The following SLC35D1 variants were observed in gnomAD, a reference collection of about 807,000 sequenced individuals.
SLC35D1 encodes solute carrier family 35 member D1, also known as nucleotide sugar transporter SLC35D1.
Under a neutral mutation model 46.7 loss-of-function variants are expected in SLC35D1, and 31 were observed. The ratio of observed to expected loss-of-function variants is 0.66; its 90% confidence interval spans 0.50 to 0.90. The LOEUF is 0.90. Ranked by LOEUF, SLC35D1 falls within the 40% of genes least tolerant of loss-of-function variation. The probability of loss-of-function intolerance (pLI) is 0.00; values close to 1 mark genes in which losing one functional copy is unlikely to be tolerated. For synonymous variants in SLC35D1, 195 were observed against 164.6 expected (o/e 1.18, Z -1.41); for missense variants, 397 against 426.2 (o/e 0.93, Z 0.60).
At chr1:67,015,279 G>A (rs963701790) in intron 10 of SLC35D1, among the ~76,000 whole-genome samples, 17 of 148,898 alleles carry the variant, frequency 1.1e-4, no homozygotes, top group South Asian at 4.3e-4. Context: ...ATTTAAAAAC[G>A]TATAAAAATC....
Position 67,009,115 on chromosome 1 carries a change from G to A in SLC35D1, c.929C>T (p.Thr310Met), listed in dbSNP as rs549408335. Residue 310 changes from threonine to methionine, a missense_variant, in exon 11 of 12, where the codon ACG (threonine) becomes ATG (methionine). Thr to Met is a moderately conservative substitution (Grantham distance 81). Transcript: ENST00000235345. ...GMVFGGDYIFTWTNFIGLNIS... is the reference protein window; with the variant it reads ...GMVFGGDYIFMWTNFIGLNIS... ...ATTTAAACCAATGAAGTTTGTCCAC[G>A]TGAAAATATAATCTCCACCAAAGAC... The A allele has an allele frequency of 1.1e-5, 16 of 1,513,682 alleles. No homozygotes were observed. The highest frequency in any genetic ancestry group is 9.6e-5 in the African/African-American group (7 of 73,016). The allele number at this position is 1,513,682 out of a possible 1,614,324, so 93.8% of individuals were successfully genotyped here.
chr1:66,997,539 A>G (rs1667253405), downstream of SLC35D1, among the ~76,000 whole-genome samples: 1 of 61,416 alleles, frequency 1.6e-5, no homozygotes, highest in Admixed American at 1.8e-4. Context: ...TATATATATA[A>G]CCCCTTTAGA....
downstream of SLC35D1, among the ~76,000 whole-genome samples, chr1:66,997,424 G>A (rs1667249629): frequency 6.7e-6 from 1 of 149,096 alleles, no homozygotes; most frequent in African/African-American, 2.5e-5. Context: ...AATTTCTTGA[G>A]CCCAGGAAAT....
At position 67,003,799 on chromosome 1, in the gene SLC35D1, C is replaced by T. The variant is rs1341299268; in HGVS notation, c.*541G>A. On this transcript the variant is annotated 3_prime_UTR_variant, in exon 12 of 12. Coordinates refer to ENST00000235345, the MANE Select transcript of SLC35D1 (RefSeq NM_015139.3). Reference sequence around the variant, plus strand: ...ATAGATAGCAATACACTTCAAAGCCCCACATATTTTTATAGTGCCAAAGTT... The same window carrying T: ...ATAGATAGCAATACACTTCAAAGCCTCACATATTTTTATAGTGCCAAAGTT... 5.9e-6 allele frequency: 1 copy of T among 170,708 alleles called. No individual in the cohort carries two copies. The highest frequency in any genetic ancestry group is 1.3e-5 in the Non-Finnish European group (1 of 78,794). The allele number at this position is 170,708 out of a possible 1,614,324, so 10.6% of individuals were successfully genotyped here. A position where few individuals can be genotyped will look rare whatever the true frequency, so the allele number is the denominator to read the frequency against.
chr1:66,977,622 A>G, the SLC35D1 span, among the ~76,000 whole-genome samples: 1 of 152,176 alleles, frequency 6.6e-6, no homozygotes, highest in Non-Finnish European at 1.5e-5. Context: ...TTTATTGTCT[A>G]CACCTCATTC....
the SLC35D1 span, chr1:66,986,334 T>C: frequency 9.0e-6 from 14 of 1,561,354 alleles, no homozygotes; most frequent in Admixed American, 2.1e-4. Context: ...TGTAGTTTTA[T>C]ATAGCTGATA....
At chr1:66,982,003 A>G in the SLC35D1 span, 16 of 1,435,972 alleles carry the variant, frequency 1.1e-5, no homozygotes, top group African/African-American at 7.1e-5. Flanking sequence ...TTGGGTTTCT[A>G]TTAAACTTCC....
downstream of SLC35D1, among the ~76,000 whole-genome samples, chr1:66,997,519 A>ATATATATAT (rs1553262616): frequency 0.082 from 6,030 of 73,646 alleles, 399 homozygotes; most frequent in Middle Eastern, 0.16. Flanking sequence ...AAAAAAAAAA[A>ATATATATAT]ATATATATAT....
At chr1:66,974,410 A>G in the SLC35D1 span, among the ~76,000 whole-genome samples, 53 of 151,992 alleles carry the variant, frequency 3.5e-4, no homozygotes, top group African/African-American at 1.2e-3. Flanking sequence ...GAAAGGGACA[A>G]CATTTTTGGA....
At chr1:67,041,489 C>A (rs992295876) in intron 8 of SLC35D1, among the ~76,000 whole-genome samples, 1 of 152,174 alleles carries the variant, frequency 6.6e-6, no homozygotes, top group African/African-American at 2.4e-5. Flanking sequence ...GACCAACATA[C>A]TTATTCTGAA....
intron 10 of SLC35D1, among the ~76,000 whole-genome samples, chr1:67,018,407 G>A (rs1012989383): frequency 6.6e-6 from 1 of 152,130 alleles, no homozygotes; most frequent in Non-Finnish European, 1.5e-5. Flanking sequence ...TCAGAAGTTG[G>A]AAAACCTGTA....
chr1:67,052,955 C>T lies in SLC35D1; in HGVS notation c.237+1G>A. 6.2e-7 allele frequency: 1 copy of T among 1,614,110 alleles called. No individual in the cohort carries two copies. Among genetic ancestry groups the T allele is most frequent in the Non-Finnish European group, 8.5e-7 (1 of 1,180,040 alleles). On this transcript the variant is annotated splice_donor_variant, in intron 2 of 11. Coordinates refer to ENST00000235345, the MANE Select transcript of SLC35D1 (RefSeq NM_015139.3). LOFTEE classifies it high-confidence loss of function. ...ACGTAATGGTGAGGATTCCAACTAACCTGGCCAAGTCCAACACATAGTGAG... is the reference window on the plus strand; with the variant it reads ...ACGTAATGGTGAGGATTCCAACTAATCTGGCCAAGTCCAACACATAGTGAG...
At position 67,049,859 on chromosome 1, in the gene SLC35D1, C is replaced by A. The variant is rs1168729605; in HGVS notation, c.465-9G>T. Reference sequence around the variant, plus strand: ...CCCAAGAAAAAGTCTTCCTACAAAACAAAAAATTTTAAAATACACACATGA... The same window carrying A: ...CCCAAGAAAAAGTCTTCCTACAAAAAAAAAAATTTTAAAATACACACATGA... On this transcript the variant is annotated splice_polypyrimidine_tract_variant and intron_variant, in intron 5 of 11. Coordinates refer to ENST00000235345, the MANE Select transcript of SLC35D1 (RefSeq NM_015139.3). 12 of 1,606,766 alleles carry A rather than the reference C, an allele frequency of 7.5e-6. No homozygotes were observed. In the South Asian group the frequency reaches 1.2e-4, roughly 16 times the overall value.
At chr1:66,997,822 G>A (rs1007439009), downstream of SLC35D1, among the ~76,000 whole-genome samples, 2 of 146,992 alleles carry the variant, frequency 1.4e-5, no homozygotes, top group African/African-American at 5.0e-5. Flanking sequence ...ATATGTTACT[G>A]TTAAAAAAAT....
At position 67,050,429 on chromosome 1, in the gene SLC35D1, T is replaced by C; in HGVS notation, c.464+4A>G. The C allele has an allele frequency of 4.4e-6, 7 of 1,607,530 alleles. No homozygotes were observed. Among genetic ancestry groups the C allele is most frequent in the Non-Finnish European group, 6.0e-6 (7 of 1,174,424 alleles). On this transcript the variant is annotated splice_donor_region_variant and intron_variant, in intron 5 of 11. Coordinates refer to ENST00000235345, the MANE Select transcript of SLC35D1 (RefSeq NM_015139.3). ...AGAACAGATATATTAGAAACTTAGC[T>C]CACTTGAGTAAAACTCCTTCAGCAA... is the stretch of plus-strand genomic sequence containing the variant.
At chr1:67,004,502 AAC>A in intron 11 of SLC35D1, 54 bp from the exon 12 acceptor site, 1 of 1,485,518 alleles carries the variant, frequency 6.7e-7, no homozygotes, top group Non-Finnish European at 9.4e-7. Flanking sequence ...TTTTAGTGTA[AAC>A]ACTCTACTCA....
chr1:67,008,529 C>T (rs959587972), intron 11 of SLC35D1: 10 of 1,110,060 alleles, frequency 9.0e-6, no homozygotes, highest in African/African-American at 1.6e-5. Flanking sequence ...CTGAATGGAA[C>T]GTGCCGAACT....
Position 67,042,230 on chromosome 1 carries a change from T to C in SLC35D1, c.729+6A>G. ...AAGCCATTAAACCGTAATTAGAAAGTCCTACCTTTTGTGCATCTCCTGTGA... is the reference window on the plus strand; with the variant it reads ...AAGCCATTAAACCGTAATTAGAAAGCCCTACCTTTTGTGCATCTCCTGTGA... On this transcript the variant is annotated splice_donor_region_variant and intron_variant, in intron 8 of 11. Coordinates refer to ENST00000235345, the MANE Select transcript of SLC35D1 (RefSeq NM_015139.3). The C allele has an allele frequency of 6.2e-7, 1 of 1,612,360 alleles. No homozygotes were observed. The highest frequency in any genetic ancestry group is 8.5e-7 in the Non-Finnish European group (1 of 1,178,418).
the SLC35D1 span, chr1:66,988,595 G>A: frequency 1.2e-3 from 178 of 152,188 alleles, no homozygotes; most frequent in African/African-American, 3.9e-3. Flanking sequence ...AATGTATAAT[G>A]TAATTAAAAT....
Sources: gnomAD v4.1 joint callset for allele counts (sites outside exome capture counted in the v4.1 genomes callset) on GRCh38, gnomAD v4.1.1 for gene constraint, MANE v1.5 for transcripts, NCBI Gene and HGNC (gene_info 2026-07-23, HGNC 2026-07-21) for gene names.